The following DPP10 variants were observed in gnomAD, a reference collection of about 807,000 sequenced individuals.
DPP10 encodes the protein inactive dipeptidyl peptidase 10.
A neutral mutation model predicts 120.9 loss-of-function variants in DPP10; 33 were observed. That is an observed-to-expected ratio of 0.27 (90% CI 0.21 to 0.37). The LOEUF (loss-of-function observed/expected upper bound fraction) is 0.37. Among genes scored for constraint, DPP10 ranks in the 10% least tolerant of loss-of-function variants. DPP10 has a pLI of 1.00. For synonymous variants in DPP10, 337 were observed against 326.1 expected (o/e 1.03, Z -0.36); for missense variants, 816 against 942.8 (o/e 0.87, Z 1.76).
chr2:114,532,358 T>C, intron 1 of DPP10, among the ~76,000 whole-genome samples: 1 of 148,598 alleles, frequency 6.7e-6, no homozygotes, highest in South Asian at 2.1e-4. Context: ...ATGTATACCA[T>C]ATATATATGT....
intron 3 of DPP10, chr2:115,468,047 G>T: frequency 2.7e-6 from 1 of 376,562 alleles, no homozygotes; most frequent in Non-Finnish European, 5.1e-6. Context: ...TTAAAGGGAA[G>T]CTTTTACAAT....
At chr2:115,557,348 C>T (rs1037809051) in intron 5 of DPP10, among the ~76,000 whole-genome samples, 1 of 152,092 alleles carries the variant, frequency 6.6e-6, no homozygotes, top group Non-Finnish European at 1.5e-5. Context: ...CATATAGAAG[C>T]AAGAAGGAGG....
intron 1 of DPP10, among the ~76,000 whole-genome samples, chr2:114,884,877 T>C (rs1356666215): frequency 6.6e-6 from 1 of 152,210 alleles, no homozygotes; most frequent in Non-Finnish European, 1.5e-5. Flanking sequence ...GTTGGAGAGA[T>C]TTTTTATCAA....
intron 7 of DPP10, among the ~76,000 whole-genome samples, chr2:115,710,274 T>C (rs567908586): frequency 1.3e-5 from 2 of 152,212 alleles, no homozygotes; most frequent in South Asian, 4.1e-4. Flanking sequence ...ACCACTAAAT[T>C]TCCTCTTAAT....
chr2:115,513,322 T>C (rs13432497), intron 4 of DPP10, among the ~76,000 whole-genome samples: 31,222 of 151,840 alleles, frequency 0.21, 4,427 homozygotes, highest in African/African-American at 0.39. Context: ...TAAAAAAATT[T>C]ATCCTGTCAA....
intron 3 of DPP10, among the ~76,000 whole-genome samples, chr2:115,466,399 A>T (rs1218632944): frequency 6.6e-6 from 1 of 152,216 alleles, no homozygotes; most frequent in Non-Finnish European, 1.5e-5. Flanking sequence ...TTCCACAAAT[A>T]GGAAAGTCCT....
intron 1 of DPP10, among the ~76,000 whole-genome samples, chr2:114,879,906 C>T (rs1691470332): frequency 6.6e-6 from 1 of 152,110 alleles, no homozygotes; most frequent in African/African-American, 2.4e-5. Flanking sequence ...AGAACCTGCT[C>T]AGTAATTTAG....
At chr2:114,491,362 T>C (rs1303598523) in intron 1 of DPP10, among the ~76,000 whole-genome samples, 2 of 152,232 alleles carry the variant, frequency 1.3e-5, no homozygotes, top group African/African-American at 4.8e-5. Flanking sequence ...TATCTTGTAA[T>C]TTATGAATAT....
intron 5 of DPP10, among the ~76,000 whole-genome samples, chr2:115,620,092 G>T: frequency 6.6e-6 from 1 of 152,172 alleles, no homozygotes; most frequent in African/African-American, 2.4e-5. Context: ...ATATACACCA[G>T]CTGTTTTTCA....
At chr2:114,576,637 G>A (rs1690070458) in intron 1 of DPP10, among the ~76,000 whole-genome samples, 1 of 152,140 alleles carries the variant, frequency 6.6e-6, no homozygotes, top group African/African-American at 2.4e-5. Context: ...GAAAAAGTCT[G>A]GAGTGGCAAG....
chr2:115,088,768 A>AAAAAAAAC (rs775985067), intron 1 of DPP10, among the ~76,000 whole-genome samples: 606 of 134,442 alleles, frequency 4.5e-3, no homozygotes, highest in Non-Finnish European at 7.6e-3. Context: ...AAAAAAAAAA[A>AAAAAAAAC]ACCAAAAAAC....
intron 1 of DPP10, among the ~76,000 whole-genome samples, chr2:114,500,061 TG>T (rs1275309540): frequency 6.6e-6 from 1 of 152,256 alleles, no homozygotes; most frequent in Non-Finnish European, 1.5e-5. Flanking sequence ...TTCCCTCTTC[TG>T]TGTTTCAGAG....
At chr2:114,700,169 T>A (rs1700303353) in intron 1 of DPP10, among the ~76,000 whole-genome samples, 1 of 152,082 alleles carries the variant, frequency 6.6e-6, no homozygotes, top group African/African-American at 2.4e-5. Context: ...GAGGAGTAAC[T>A]GTTCAAATAA....
chr2:115,229,202 G>A (rs766321493), intron 1 of DPP10, among the ~76,000 whole-genome samples: 41 of 152,030 alleles, frequency 2.7e-4, no homozygotes, highest in Non-Finnish European at 4.9e-4. Flanking sequence ...TTAGATCTTC[G>A]CCCATTTTTA....
intron 5 of DPP10, among the ~76,000 whole-genome samples, chr2:115,583,050 A>T (rs1164577462): frequency 6.6e-6 from 1 of 152,256 alleles, no homozygotes; most frequent in Admixed American, 6.5e-5. Flanking sequence ...TTTGTAATGG[A>T]TCTCAAGAAG....
chr2:115,766,911 A>G (rs1680830093), intron 12 of DPP10, among the ~76,000 whole-genome samples: 1 of 152,036 alleles, frequency 6.6e-6, no homozygotes, highest in Admixed American at 6.6e-5. Flanking sequence ...TGAAGGACTC[A>G]CCCCCGTGAT....
At chr2:115,444,923 A>C (rs1017466283) in intron 3 of DPP10, among the ~76,000 whole-genome samples, 1 of 152,140 alleles carries the variant, frequency 6.6e-6, no homozygotes, top group African/African-American at 2.4e-5. Flanking sequence ...GTTTGGCTCT[A>C]TGTCCCCACC....
intron 5 of DPP10, among the ~76,000 whole-genome samples, chr2:115,586,556 A>G (rs933881856): frequency 6.6e-6 from 1 of 152,180 alleles, no homozygotes; most frequent in Non-Finnish European, 1.5e-5. Flanking sequence ...TCTGTATTTC[A>G]TTCCCAACAG....
intron 1 of DPP10, among the ~76,000 whole-genome samples, chr2:115,203,183 C>T (rs900550006): frequency 5.9e-5 from 9 of 152,136 alleles, no homozygotes; most frequent in Admixed American, 5.2e-4. Context: ...AATTCAACTG[C>T]CGTGTCCAAG....
Sources: allele counts gnomAD v4.1 joint callset (sites outside exome capture counted in the v4.1 genomes callset), GRCh38; gene constraint gnomAD v4.1.1; transcripts MANE v1.5; gene names NCBI Gene and HGNC (gene_info 2026-07-23, HGNC 2026-07-21).